The following GNAS variants were observed in gnomAD, a reference collection of about 807,000 sequenced individuals.
The protein encoded by GNAS is GNAS complex locus, also known as protein ALEX.
A neutral mutation model predicts 54.5 loss-of-function variants in GNAS; 8 were observed. The ratio of observed to expected loss-of-function variants is 0.15; its 90% confidence interval spans 0.09 to 0.26. The LOEUF (loss-of-function observed/expected upper bound fraction) is 0.26, where lower values mean the gene tolerates loss of function less well. GNAS is among the 10% of genes least tolerant of loss of function. The pLI is 1.00. For synonymous variants in GNAS, 204 were observed against 191.4 expected (o/e 1.07, Z -0.54); for missense variants, 170 against 529.8 (o/e 0.32, Z 6.67).
In GNAS at chr20:58,910,062, C is replaced by T. The variant is rs75561530; in HGVS notation, c.951C>T (p.Arg317=). 1.1e-3 allele frequency: 1,854 copies of T among 1,613,790 alleles called. 21 individuals are homozygous for T. The African/African-American group carries it at 0.022, about 19-fold the overall frequency. The change falls in exon 11 of 13, where the codon CGC becomes CGT. Residue 317 remains arginine (R), a synonymous_variant. Transcript: ENST00000371085. The surrounding 1 kb of genome is among the most constrained non-coding windows in gnomAD (Gnocchi z 5.8). ...AGGACTACTTTCCAGAATTTGCTCG[C>T]TACACTACTCCTGAGGATGGTGTGT... ...KIEDYFPEFA[R]YTTPEDATPE...
At chr20:58,905,357 C>G in intron 5 of GNAS, 26 bp from the exon 6 acceptor site, 1 of 1,345,564 alleles carries the variant, frequency 7.4e-7, no homozygotes, top group Non-Finnish European at 1.1e-6. Flanking sequence ...TTGCCTTTCT[C>G]TAAACTTTCT....
upstream of GNAS, chr20:58,890,733 A>T (rs1315187618): frequency 6.6e-6 from 1 of 151,924 alleles, no homozygotes; most frequent in Non-Finnish European, 1.5e-5. Context: ...GGAGCGGCTC[A>T]TCTAGTCAGA....
chr20:58,850,720 AG>A (rs1466744632), intron 1 of GNAS: 1 of 398,646 alleles, frequency 2.5e-6, no homozygotes, highest in African/African-American at 2.1e-5. Flanking sequence ...AACACACCCA[AG>A]GGTTGGCCCC....
rs1373474286 is a variant in GNAS at position 58,873,288 on chromosome 20, ATGT to A, written c.44-22318_44-22316del. On this transcript the variant is annotated intron_variant, in intron 1 of 12. Coordinates refer to the GNAS transcript ENST00000306090. The surrounding 1 kb of genome is among the most constrained non-coding windows in gnomAD (Gnocchi z 4.3). ...ACGGTGGTTCTTCAGGAAGAAAGAAATGTTGTTGGGAAATGTTTAGTGGAAATT... is the reference window on the plus strand; with the variant it reads ...ACGGTGGTTCTTCAGGAAGAAAGAAATGTTGGGAAATGTTTAGTGGAAATT... Among the ~76,000 whole-genome samples, 4 of 152,204 alleles carry A rather than the reference ATGT, an allele frequency of 2.6e-5. No homozygotes were observed. Among genetic ancestry groups the A allele is most frequent in the African/African-American group, 9.7e-5 (4 of 41,444 alleles).
intron 1 of GNAS, chr20:58,844,120 C>T (rs916158531): frequency 2.6e-5 from 4 of 152,074 alleles, no homozygotes; most frequent in African/African-American, 4.8e-5. Flanking sequence ...CATGGATTTA[C>T]CTCAATTATC....
intron 1 of GNAS, among the ~76,000 whole-genome samples, chr20:58,883,257 A>C (rs1434616865): frequency 6.6e-6 from 1 of 152,232 alleles, no homozygotes. Flanking sequence ...TTTTTTAAGC[A>C]AGTCTGCTTT....
At chr20:58,870,207 G>A (rs79140245) in intron 1 of GNAS, among the ~76,000 whole-genome samples, 3,505 of 152,296 alleles carry the variant, frequency 0.023, 104 homozygotes, top group African/African-American at 0.07. Flanking sequence ...TAAGGTAAAC[G>A]TCCCTCCCAC....
intron 2 of GNAS, chr20:58,898,126 A>AAAAAC (rs2090246500): frequency 6.6e-6 from 1 of 152,280 alleles, no homozygotes; most frequent in South Asian, 2.1e-4. Context: ...GGAACAAAAC[A>AAAAAC]AAAACAAAAC....
At chr20:58,896,127 G>T (rs879678898) in intron 2 of GNAS, among the ~76,000 whole-genome samples, 1 of 152,124 alleles carries the variant, frequency 6.6e-6, no homozygotes, top group Admixed American at 6.5e-5. Context: ...TCAATGTAAT[G>T]AACCAACACA....
chr20:58,840,637 C>T (rs756503903), upstream of GNAS: 1 of 1,606,198 alleles, frequency 6.2e-7, no homozygotes, highest in Admixed American at 1.7e-5. The surrounding 1 kb of genome is among the most constrained non-coding windows in gnomAD (Gnocchi z 6.0). Context: ...CCCCAAGTCG[C>T]GCGCCGCCCA....
chr20:58,862,975 A>G lies in GNAS; in HGVS notation c.43+22089A>G, dbSNP rs147673368. On this transcript the variant is annotated intron_variant, in intron 1 of 12. Coordinates refer to the GNAS transcript ENST00000306090. ...GTTATTACACATGAAAAAAAAAAAA[A>G]AAAGAAAGAAAGAAAATGTGTTTAG... 3.6e-3 allele frequency among the ~76,000 whole-genome samples: 553 copies of G among 152,118 alleles called. 2 individuals are homozygous for G. The highest frequency in any genetic ancestry group is 0.02 in the Middle Eastern group (6 of 294).
chr20:58,869,762 G>A (rs765149891), intron 1 of GNAS, among the ~76,000 whole-genome samples: 4 of 152,186 alleles, frequency 2.6e-5, no homozygotes, highest in Admixed American at 6.5e-5. Flanking sequence ...CCACTTCTCA[G>A]TGCTTCACGG....
At chr20:58,901,918 C>A (rs1483534824) in intron 3 of GNAS, among the ~76,000 whole-genome samples, 1 of 147,602 alleles carries the variant, frequency 6.8e-6, no homozygotes, top group South Asian at 2.1e-4. Flanking sequence ...AACCTCCCTT[C>A]GCCTTTCCTC....
intron 6 of GNAS, among the ~76,000 whole-genome samples, chr20:58,906,125 C>A (rs2091026247): frequency 6.6e-6 from 1 of 152,158 alleles, no homozygotes; most frequent in African/African-American, 2.4e-5. Flanking sequence ...TACACCTAAG[C>A]AGTACAATAC....
At position 58,883,514 on chromosome 20, in the gene GNAS, A is replaced by C. The variant is rs187711719; in HGVS notation, c.44-12098A>C. ...TTCATCTGATCCCCAGACTGGTTGC[A>C]AACGCTTGCCGCTTGGGCTGAATAA... On this transcript the variant is annotated intron_variant, in intron 1 of 12. Transcript: ENST00000306090. Among the ~76,000 whole-genome samples the C allele has an allele frequency of 8.5e-5, 13 of 152,302 alleles. 1 individual carries two copies. The highest frequency in any genetic ancestry group is 2.6e-4 in the African/African-American group (11 of 41,564).
chr20:58,853,309 A>G lies in GNAS; in HGVS notation c.43+12423A>G, dbSNP rs1422048143. On this transcript the variant is annotated intron_variant, in intron 1 of 12. Coordinates refer to the GNAS transcript ENST00000306090. The surrounding 1 kb of genome is among the most constrained non-coding windows in gnomAD (Gnocchi z 4.4). ...CTCTACGGCAATAATATGTCAGGAC[A>G]ACGCGATATCCCCCCTGAAATCGGG... 1 of 1,550,378 alleles carries G rather than the reference A, an allele frequency of 6.5e-7. No homozygotes were observed. Among genetic ancestry groups the G allele is most frequent in the Admixed American group, 2.0e-5 (1 of 51,008 alleles).
intron 1 of GNAS, among the ~76,000 whole-genome samples, chr20:58,860,091 C>T (rs577869451): frequency 2.0e-5 from 3 of 152,316 alleles, no homozygotes; most frequent in African/African-American, 7.2e-5. Context: ...CCAAATGACA[C>T]GTGTCGAGTA....
chr20:58,854,477 C>T (rs756634082), intron 1 of GNAS: 5 of 1,583,346 alleles, frequency 3.2e-6, no homozygotes, highest in Non-Finnish European at 4.3e-6. Context: ...ATCCTGACTC[C>T]GGGGCAACCC....
rs6026552 is a variant in GNAS at position 58,841,915 on chromosome 20, G to T, written c.43+1029G>T. ...GGGACAGGCTGGAGACGGGGGTCGC[G>T]TCTAACATCAGGATAACTTACAATT... On this transcript the variant is annotated intron_variant, in intron 1 of 12. Coordinates refer to the GNAS transcript ENST00000306090. This position sits in a 1 kb window ranked among gnomAD's most constrained non-coding sequence, Gnocchi z 5.0. The T allele has an allele frequency of 7.4e-6, 9 of 1,221,288 alleles. No individual in the cohort carries two copies. Among genetic ancestry groups the T allele is most frequent in the Non-Finnish European group, 9.2e-6 (9 of 978,556 alleles). 75.7% of individuals were successfully genotyped at this position (1,221,288 alleles called of 1,614,324 possible). A position where few individuals can be genotyped will look rare whatever the true frequency, so the allele number is the denominator to read the frequency against.
Sources: allele counts gnomAD v4.1 joint callset (sites outside exome capture counted in the v4.1 genomes callset), GRCh38; gene constraint gnomAD v4.1.1; non-coding constraint Gnocchi (gnomAD v3.1); transcripts MANE v1.5; gene names NCBI Gene and HGNC (gene_info 2026-07-23, HGNC 2026-07-21).